The following NCKAP5 variants were observed in gnomAD, a reference collection of about 807,000 sequenced individuals.
The protein encoded by NCKAP5 is nck-associated protein 5.
In NCKAP5, 92 loss-of-function variants were observed where a neutral mutation model predicts 167.0. The ratio of observed to expected loss-of-function variants is 0.55; its 90% CI spans 0.47 to 0.66. The LOEUF is 0.66. Among genes scored for constraint, NCKAP5 ranks in the 30% least tolerant of loss-of-function variants. NCKAP5 has a pLI of 0.00. For synonymous variants in NCKAP5, 891 were observed against 877.4 expected (o/e 1.02, Z -0.27); for missense variants, 2,378 against 2,315.0 (o/e 1.03, Z -0.56).
intron 8 of NCKAP5, among the ~76,000 whole-genome samples, chr2:132,920,659 T>TATA (rs1695249857): frequency 1.6e-4 from 13 of 82,018 alleles, no homozygotes; most frequent in African/African-American, 7.6e-4. Context: ...ATGGAAGAAC[T>TATA]TATATATATA....
chr2:133,205,484 T>C (rs2085907682), intron 5 of NCKAP5, among the ~76,000 whole-genome samples: 1 of 152,226 alleles, frequency 6.6e-6, no homozygotes, highest in Admixed American at 6.5e-5. Context: ...TCTAGTTTAC[T>C]TGAATATCTT....
Position 132,782,802 on chromosome 2 carries a change from T to G in NCKAP5, c.4009A>C (p.Ser1337Arg). Residue 1337 changes from serine to arginine, a missense_variant, in exon 14 of 20, where the codon AGT becomes CGT. This residue lies in a region of NCKAP5 where 1,325 missense variants were observed against 1,274.5 expected (regional missense o/e 1.04). Transcript: ENST00000409261. ...PSAPMLESLP[S>R]VGRPSGHPSS... ...GGGTGCCCCGAGGGCCTCCCAACAC[T>G]GGGGAGACTCTCCAACATGGGAGCA... 1 of 1,613,802 alleles carries G rather than the reference T, an allele frequency of 6.2e-7. No homozygotes were observed. The highest frequency in any genetic ancestry group is 8.5e-7 in the Non-Finnish European group (1 of 1,179,820).
chr2:133,146,942 C>T (rs74953335), intron 5 of NCKAP5, among the ~76,000 whole-genome samples: 1,651 of 152,206 alleles, frequency 0.011, 34 homozygotes, highest in African/African-American at 0.038. Context: ...ATATCCATGG[C>T]AAACAGCAAC....
intron 6 of NCKAP5, among the ~76,000 whole-genome samples, chr2:133,127,792 G>T (rs1330262777): frequency 6.6e-6 from 1 of 152,126 alleles, no homozygotes; most frequent in Non-Finnish European, 1.5e-5. Flanking sequence ...ATTTTAAGTT[G>T]GTTAGGAGAC....
At chr2:133,481,434 A>G (rs1243247404) in intron 3 of NCKAP5, among the ~76,000 whole-genome samples, 1 of 152,228 alleles carries the variant, frequency 6.6e-6, no homozygotes, top group Non-Finnish European at 1.5e-5. Context: ...TCCCAAGCAC[A>G]ACACATTTTT....
At chr2:133,203,705 C>T (rs189232115) in intron 5 of NCKAP5, among the ~76,000 whole-genome samples, 142 of 152,174 alleles carry the variant, frequency 9.3e-4, no homozygotes, top group Non-Finnish European at 1.0e-3. Flanking sequence ...TGTCGGCAGT[C>T]CTGGAGTCAG....
intron 8 of NCKAP5, among the ~76,000 whole-genome samples, chr2:132,934,166 G>T (rs1199246541): frequency 6.6e-6 from 1 of 152,148 alleles, no homozygotes; most frequent in Non-Finnish European, 1.5e-5. Context: ...TTGCCCTGAG[G>T]ACCAACATCT....
intron 4 of NCKAP5, among the ~76,000 whole-genome samples, chr2:133,219,264 C>G (rs900826688): frequency 3.3e-5 from 5 of 152,198 alleles, no homozygotes; most frequent in African/African-American, 9.7e-5. Context: ...TGCTAGCCTT[C>G]CGTATCGACA....
intron 3 of NCKAP5, among the ~76,000 whole-genome samples, chr2:133,332,441 CCACAAAATTTT>C (rs1200532891): frequency 1.3e-5 from 2 of 151,996 alleles, no homozygotes; most frequent in Admixed American, 1.3e-4. Flanking sequence ...CAAAAAAACC[CCACAAAATTTT>C]CAGGTCTTTT....
intron 3 of NCKAP5, among the ~76,000 whole-genome samples, chr2:133,309,206 T>G (rs1681056292): frequency 6.6e-6 from 1 of 152,160 alleles, no homozygotes; most frequent in Admixed American, 6.5e-5. Context: ...TGTAAATTTT[T>G]TCTTTGTCTA....
intron 7 of NCKAP5, among the ~76,000 whole-genome samples, chr2:132,985,611 G>T (rs2077265709): frequency 6.6e-6 from 1 of 152,202 alleles, no homozygotes; most frequent in Non-Finnish European, 1.5e-5. Context: ...CTTTGGTTAT[G>T]AGAAATTCCG....
rs774104171 is a variant in NCKAP5, at chr2:132,782,329, G to A, written c.4482C>T (p.Thr1494=). 1.1e-5 allele frequency: 18 copies of A among 1,613,914 alleles called. No homozygotes were observed. Among genetic ancestry groups the A allele is most frequent in the Admixed American group, 1.7e-5 (1 of 60,008 alleles). Residue 1494 remains threonine (T), a synonymous_variant, in exon 14 of 20, where the codon ACC becomes ACT. Coordinates refer to ENST00000409261, the MANE Select transcript of NCKAP5 (RefSeq NM_207363.3). ...CAGGCTTCTGCTTTGCTTCCACAGAGGTGGGCTTTGTTTGCACTTGGCCCT... is the reference window on the plus strand; with the variant it reads ...CAGGCTTCTGCTTTGCTTCCACAGAAGTGGGCTTTGTTTGCACTTGGCCCT... ...VEKGQVQTKP[T]SVEAKQKPGP...
At chr2:133,452,927 G>A (rs192911783) in intron 3 of NCKAP5, among the ~76,000 whole-genome samples, 1 of 152,200 alleles carries the variant, frequency 6.6e-6, no homozygotes, top group Admixed American at 6.6e-5. Flanking sequence ...ATTAGATAGT[G>A]AGCAACTTGA....
intron 6 of NCKAP5, among the ~76,000 whole-genome samples, chr2:133,105,370 A>ACTGT: frequency 6.7e-6 from 1 of 150,276 alleles, no homozygotes. Context: ...GGACATAACT[A>ACTGT]CTGTCTTTCT....
intron 4 of NCKAP5, among the ~76,000 whole-genome samples, chr2:133,269,932 G>C (rs2089432165): frequency 6.6e-6 from 1 of 152,156 alleles, no homozygotes; most frequent in Non-Finnish European, 1.5e-5. Flanking sequence ...AAGAAAAGAG[G>C]GAGTAAAGAG....
the NCKAP5 span, among the ~76,000 whole-genome samples, chr2:133,647,307 A>G: frequency 2.5e-4 from 38 of 151,014 alleles, no homozygotes; most frequent in Non-Finnish European, 5.2e-4. Context: ...ACTGCACTCC[A>G]GCCTGAGCAA....
At chr2:132,845,227 A>C (rs1029665758) in intron 11 of NCKAP5, among the ~76,000 whole-genome samples, 1 of 152,148 alleles carries the variant, frequency 6.6e-6, no homozygotes, top group African/African-American at 2.4e-5. Context: ...GTATGTCAAA[A>C]ACCTTTTCTC....
At chr2:133,076,009 A>AT (rs2080587714) in intron 6 of NCKAP5, among the ~76,000 whole-genome samples, 1 of 152,186 alleles carries the variant, frequency 6.6e-6, no homozygotes, top group South Asian at 2.1e-4. Context: ...ATACAAAAAG[A>AT]TATACCATGT....
chr2:132,798,732 G>A (rs1558794823), intron 11 of NCKAP5, among the ~76,000 whole-genome samples: 1 of 152,178 alleles, frequency 6.6e-6, no homozygotes, highest in Non-Finnish European at 1.5e-5. Flanking sequence ...GAAAGGAGAG[G>A]TCCTGGGGCA....
Sources: gnomAD v4.1 joint callset for allele counts (sites outside exome capture counted in the v4.1 genomes callset) on GRCh38, gnomAD v4.1.1 for gene constraint, gnomAD v4.1.1 regional missense constraint, MANE v1.5 for transcripts, NCBI Gene and HGNC (gene_info 2026-07-23, HGNC 2026-07-21) for gene names.